The following LOXL4 variants were observed in gnomAD, a reference collection of about 807,000 sequenced individuals.
LOXL4 encodes lysyl oxidase like 4.
A neutral mutation model predicts 89.1 loss-of-function variants in LOXL4; 72 were observed. That is an observed-to-expected ratio of 0.81 (90% CI 0.67 to 0.98). The LOEUF is 0.98. LOXL4 is among the 50% of genes least tolerant of loss of function. The pLI is 0.00. For missense variants in LOXL4, 984 were observed against 1,017.5 expected (o/e 0.97, Z 0.45); for synonymous variants, 355 against 392.1 (o/e 0.91, Z 1.12).
At position 98,260,904 on chromosome 10, in the gene LOXL4, C is replaced by T. The variant is rs773081347; in HGVS notation, c.662+18G>A. 1.9e-5 allele frequency: 31 copies of T among 1,591,062 alleles called. No individual in the cohort carries two copies. In the East Asian group the frequency reaches 2.3e-4, roughly 12 times the overall value. On this transcript the variant is annotated intron_variant, in intron 4 of 14. Coordinates refer to ENST00000260702, the MANE Select transcript of LOXL4 (RefSeq NM_032211.7). Reference sequence around the variant, plus strand: ...ACAACCCTGCCTCCTGTGGGGCCTACGCCAGCCGCCCTCCTACCTGTAGTA... The same window carrying T: ...ACAACCCTGCCTCCTGTGGGGCCTATGCCAGCCGCCCTCCTACCTGTAGTA...
chr10:98,261,079 T>C lies in LOXL4; in HGVS notation c.505A>G (p.Lys169Glu). ...CCCTCGGTCACTGGGCTATGCTGCT[T>C]GGCACTGGCAAGGATGGGCTTGAGC... ...VRLKPILASA[K>E]QHSPVTEGAV... The change falls in exon 4 of 15, where the codon AAG (lysine) becomes GAG (glutamate). Residue 169 changes from lysine (K) to glutamate (E), a missense_variant. Coordinates refer to ENST00000260702, the MANE Select transcript of LOXL4 (RefSeq NM_032211.7). The C allele has an allele frequency of 6.2e-7, 1 of 1,613,770 alleles. No individual in the cohort carries two copies. The highest frequency in any genetic ancestry group is 1.6e-4 in the Middle Eastern group (1 of 6,062).
Position 98,257,564 on chromosome 10 carries a change from C to T in LOXL4, c.1260+86G>A, listed in dbSNP as rs1590880138. The T allele has an allele frequency of 2.7e-6, 4 of 1,489,718 alleles. No homozygotes were observed. In the South Asian group the frequency reaches 3.9e-5, roughly 14 times the overall value. The allele number at this position is 1,489,718 out of a possible 1,614,324, so 92.3% of individuals were successfully genotyped here. A position where few individuals can be genotyped will look rare whatever the true frequency, so the allele number is the denominator to read the frequency against. ...AGCGCTAGCCGCTCCTCCTGGACCT[C>T]TCCCCGCTAGCTCGATGTGGTGTCC... On this transcript the variant is annotated intron_variant, in intron 8 of 14. Transcript: ENST00000260702.
intron 2 of LOXL4, among the ~76,000 whole-genome samples, chr10:98,262,462 T>A (rs894503242): frequency 2.0e-5 from 3 of 152,174 alleles, no homozygotes; most frequent in Non-Finnish European, 2.9e-5. Context: ...GACCTACCTG[T>A]TTGCCCATTT....
In LOXL4 at chr10:98,253,720, C is replaced by T. The variant is rs781659508; in HGVS notation, c.1668G>A (p.Leu556=). ...AYLEDRPLSQ[L]YCAHEENCLS... ...GGCAGTTCTCCTCGTGGGCACAATA[C>T]AGCTGGCTGAGCGGGCGGTCCTCCA... Residue 556 remains leucine, a synonymous_variant, in exon 11 of 15, where the codon CTG becomes CTA. Coordinates refer to ENST00000260702, the MANE Select transcript of LOXL4 (RefSeq NM_032211.7). 1.9e-6 allele frequency: 3 copies of T among 1,614,246 alleles called. No individual in the cohort carries two copies. Among genetic ancestry groups the T allele is most frequent in the Non-Finnish European group, 2.5e-6 (3 of 1,180,046 alleles).
chr10:98,256,148 G>A (rs1485023333), intron 9 of LOXL4: 1 of 185,048 alleles, frequency 5.4e-6, no homozygotes, highest in East Asian at 1.6e-4. Flanking sequence ...GTGGGTGCAA[G>A]TGCAGAGGTT....
At position 98,253,717 on chromosome 10, in the gene LOXL4, A is replaced by G; in HGVS notation, c.1671T>C (p.Tyr557=). Residue 557 remains tyrosine, a synonymous_variant, in exon 11 of 15, where the codon TAT becomes TAC. Coordinates refer to ENST00000260702, the MANE Select transcript of LOXL4 (RefSeq NM_032211.7). ...YLEDRPLSQL[Y]CAHEENCLSK... ...AGAGGCAGTTCTCCTCGTGGGCACA[A>G]TACAGCTGGCTGAGCGGGCGGTCCT... is the stretch of plus-strand genomic sequence containing the variant. 6.2e-7 allele frequency: 1 copy of G among 1,614,250 alleles called. No individual in the cohort carries two copies. The highest frequency in any genetic ancestry group is 1.1e-5 in the South Asian group (1 of 91,088).
At chr10:98,251,812 C>T (rs1858201484) in intron 12 of LOXL4, 110 bp from the exon 13 acceptor site, 9 of 1,323,516 alleles carry the variant, frequency 6.8e-6, no homozygotes, top group South Asian at 2.9e-5. Flanking sequence ...GATTAAGGAC[C>T]GTCAGAGCTA....
At chr10:98,265,050 G>A (rs1858646021) in intron 1 of LOXL4, among the ~76,000 whole-genome samples, 2 of 152,368 alleles carry the variant, frequency 1.3e-5, no homozygotes, top group East Asian at 3.9e-4. Context: ...CTCCATGGGA[G>A]TGGGGATGTG....
intron 4 of LOXL4, 112 bp downstream of exon 4, chr10:98,260,810 C>A: frequency 8.8e-7 from 1 of 1,138,648 alleles, no homozygotes. Flanking sequence ...CACATGAGTC[C>A]ACACTCAGAC....
intron 7 of LOXL4, 32 bp downstream of exon 7, chr10:98,257,949 C>A (rs1237466702): frequency 1.2e-6 from 2 of 1,608,998 alleles, no homozygotes; most frequent in Non-Finnish European, 1.7e-6. Context: ...CATATCCAGG[C>A]CTTCTAACCC....
intron 3 of LOXL4, among the ~76,000 whole-genome samples, chr10:98,261,374 A>G (rs375799666): frequency 2.7e-4 from 41 of 152,278 alleles, no homozygotes; most frequent in African/African-American, 9.4e-4. Context: ...AATTTGTCAA[A>G]TTGGAGAGAA....
At chr10:98,250,527 G>A (rs1229458388) in intron 14 of LOXL4, among the ~76,000 whole-genome samples, 1 of 151,558 alleles carries the variant, frequency 6.6e-6, no homozygotes. Flanking sequence ...GAAGATAGAG[G>A]GAGTCTTTAC....
intron 14 of LOXL4, among the ~76,000 whole-genome samples, chr10:98,250,383 C>G (rs1353927039): frequency 1.3e-5 from 2 of 152,204 alleles, no homozygotes; most frequent in Non-Finnish European, 2.9e-5. Context: ...GTTTCTGGGG[C>G]ACAGCGTTCA....
In LOXL4 at chr10:98,255,606, C is replaced by G. The variant is rs769544418; in HGVS notation, c.1562G>C (p.Arg521Pro). ...GPVHCSHGGG[R>P]FLAGVSCMDS... The stretch of plus-strand genomic sequence containing the variant: ...CATGCAGGAGACTCCAGCCAGGAAG[C>G]GCCCGCCACCGTGGGAGCAGTGCAC... Residue 521 changes from arginine (R) to proline (P), a missense_variant, in exon 10 of 15, where the codon CGC (arginine) becomes CCC (proline). Transcript: ENST00000260702. 1 of 1,610,482 alleles carries G rather than the reference C, an allele frequency of 6.2e-7. No individual in the cohort carries two copies. The highest frequency in any genetic ancestry group is 1.3e-5 in the African/African-American group (1 of 74,874).
chr10:98,256,990 G>A (rs1192347828), intron 8 of LOXL4, 43 bp from the exon 9 acceptor site: 1 of 1,598,610 alleles, frequency 6.3e-7, no homozygotes, highest in Non-Finnish European at 8.5e-7. Context: ...TAGCCTTGCA[G>A]GGAAGAGCTC....
intron 10 of LOXL4, among the ~76,000 whole-genome samples, 198 bp downstream of exon 10, chr10:98,255,379 T>G (rs1439096855): frequency 6.6e-6 from 1 of 152,104 alleles, no homozygotes; most frequent in Non-Finnish European, 1.5e-5. Flanking sequence ...GTGTTCTTTC[T>G]CACAATAACT....
intron 11 of LOXL4, among the ~76,000 whole-genome samples, chr10:98,253,259 T>C (rs1398711248): frequency 1.3e-5 from 2 of 152,204 alleles, no homozygotes; most frequent in Non-Finnish European, 2.9e-5. Context: ...TGATCCAACA[T>C]AGGAAAAGTG....
rs779653065 is a variant in LOXL4 at position 98,261,037 on chromosome 10, A to C, written c.547T>G (p.Tyr183Asp). ...PVTEGAVEVK[Y>D]EGHWRQVCDQ... ...CACACCTGCCGCCAGTGGCCCTCATACTTCACCTCCACGGCTCCCTCGGTC... is the reference window on the plus strand; with the variant it reads ...CACACCTGCCGCCAGTGGCCCTCATCCTTCACCTCCACGGCTCCCTCGGTC... Residue 183 changes from tyrosine to aspartate, a missense_variant, in exon 4 of 15, where the codon TAT becomes GAT. Physicochemically the swap from Tyr to Asp is radical, Grantham distance 160. Coordinates refer to ENST00000260702, the MANE Select transcript of LOXL4 (RefSeq NM_032211.7). The C allele has an allele frequency of 6.2e-7, 1 of 1,613,852 alleles. No individual in the cohort carries two copies. The highest frequency in any genetic ancestry group is 1.1e-5 in the South Asian group (1 of 91,072).
At chr10:98,251,231 G>T in intron 13 of LOXL4, 55 bp from the exon 14 acceptor site, 1 of 1,281,786 alleles carries the variant, frequency 7.8e-7, no homozygotes, top group Non-Finnish European at 1.1e-6. Flanking sequence ...TGAATGAGTT[G>T]ACTGTGGCTG....
Sources: allele counts gnomAD v4.1 joint callset (sites outside exome capture counted in the v4.1 genomes callset), GRCh38; gene constraint gnomAD v4.1.1; transcripts MANE v1.5; gene names NCBI Gene and HGNC (gene_info 2026-07-23, HGNC 2026-07-21).